Variants in NCKAP1 observed in about 807,000 individuals in gnomAD.
NCKAP1 encodes the protein nck-associated protein 1.
A neutral mutation model predicts 151.2 loss-of-function variants in NCKAP1; 21 were observed. The observed-to-expected ratio is 0.14, with a 90% confidence interval of 0.10 to 0.20. The LOEUF (loss-of-function observed/expected upper bound fraction) is 0.20. Among genes scored for constraint, NCKAP1 ranks in the 10% least tolerant of loss-of-function variants. The pLI, the probability that NCKAP1 is intolerant of heterozygous loss-of-function variation, is 1.00. For missense variants in NCKAP1, 933 were observed against 1,352.1 expected (o/e 0.69, Z 4.86); for synonymous variants, 484 against 451.8 (o/e 1.07, Z -0.90).
At chr2:183,017,574 A>G (rs1306245510) in intron 2 of NCKAP1, among the ~76,000 whole-genome samples, 1 of 152,106 alleles carries the variant, frequency 6.6e-6, no homozygotes, top group African/African-American at 2.4e-5. Context: ...AATACAGATG[A>G]AGCTTAGGGT....
At position 182,926,788 on chromosome 2, in the gene NCKAP1, T is replaced by C. The variant is rs539711434; in HGVS notation, c.3270+28A>G. The C allele has an allele frequency of 2.1e-6, 3 of 1,443,510 alleles. No individual in the cohort carries two copies. In the Admixed American group the frequency reaches 6.1e-5, roughly 29 times the overall value. 89.4% of individuals were successfully genotyped at this position (1,443,510 alleles called of 1,614,324 possible). On this transcript the variant is annotated intron_variant, in intron 30 of 30. Transcript: ENST00000361354. ...TCAGGAACGACTGGAACTTTTTTAT[T>C]GTTAGTAAAAATTAAAATGAGACTT...
chr2:182,921,371 G>A lies in NCKAP1; in HGVS notation c.*4331C>T, dbSNP rs1235822547. ...GAAATAATTTCAAGCCTTAGCCATT[G>A]GCATTTGGTCAGTATGTGTATGTAG... On this transcript the variant is annotated 3_prime_UTR_variant, in exon 31 of 31. Coordinates refer to ENST00000361354, the MANE Select transcript of NCKAP1 (RefSeq NM_013436.5). 3 of 152,088 alleles carry A rather than the reference G, an allele frequency of 2.0e-5. No individual in the cohort carries two copies. Among genetic ancestry groups the A allele is most frequent in the Non-Finnish European group, 2.9e-5 (2 of 68,012 alleles). The allele number at this position is 152,088 out of a possible 1,614,324, so 9.4% of individuals were successfully genotyped here.
chr2:182,973,483 T>C (rs1453777604), intron 15 of NCKAP1, among the ~76,000 whole-genome samples: 2 of 151,988 alleles, frequency 1.3e-5, no homozygotes, highest in Non-Finnish European at 2.9e-5. Context: ...CAAAGAGAAT[T>C]CTTAAGAGTA....
At chr2:183,001,814 TTAGA>T (rs1698379858) in intron 6 of NCKAP1, 135 bp downstream of exon 6, 3 of 675,758 alleles carry the variant, frequency 4.4e-6, no homozygotes, top group Non-Finnish European at 2.5e-6. Flanking sequence ...CTGTCTATAA[TTAGA>T]TAAAAGCACA....
At chr2:182,964,354 T>A (rs1697519801) in intron 17 of NCKAP1, among the ~76,000 whole-genome samples, 1 of 152,150 alleles carries the variant, frequency 6.6e-6, no homozygotes, top group South Asian at 2.1e-4. Context: ...GTCCTTTCCA[T>A]GACAGTTTAA....
In NCKAP1 at chr2:182,982,926, G is replaced by A. The variant is rs1489365445; in HGVS notation, c.1103C>T (p.Ala368Val). 6.3e-6 allele frequency: 10 copies of A among 1,587,314 alleles called. No homozygotes were observed. In the East Asian group the frequency reaches 1.8e-4, roughly 28 times the overall value. Reference sequence around the variant, plus strand: ...GGATAATGCCATAAAAACAAAAAGTGCCTGTTTAAAAAAAAGTAAGTGTTT... The same window carrying A: ...GGATAATGCCATAAAAACAAAAAGTACCTGTTTAAAAAAAAGTAAGTGTTT... ...SDQPGLLGPK[A>V]LFVFMALSFA... The change falls in exon 12 of 31, where the codon GCA becomes GTA. Residue 368 changes from alanine (A) to valine (V), a missense_variant and splice_region_variant. Ala to Val is a moderately conservative substitution (Grantham distance 64). Coordinates refer to ENST00000361354, the MANE Select transcript of NCKAP1 (RefSeq NM_013436.5).
intron 1 of NCKAP1, among the ~76,000 whole-genome samples, chr2:183,024,136 CAGTT>C (rs527309347): frequency 3.3e-5 from 5 of 151,328 alleles, no homozygotes; most frequent in Non-Finnish European, 7.4e-5. Flanking sequence ...AGTTTCGAAG[CAGTT>C]AGCGCAGAAC....
Position 182,920,407 on chromosome 2 carries a change from C to G in NCKAP1, c.*5295G>C, listed in dbSNP as rs1343478676. ...GAAGCAACACTGTCATCTTGAGAGC[C>G]ACATCATTCCAGTGTCACATTTCTA... On this transcript the variant is annotated 3_prime_UTR_variant, in exon 31 of 31. Transcript: ENST00000361354. The G allele has an allele frequency of 6.6e-6, 1 of 152,186 alleles. No individual in the cohort carries two copies. Among genetic ancestry groups the G allele is most frequent in the African/African-American group, 2.4e-5 (1 of 41,450 alleles). The allele number at this position is 152,186 out of a possible 1,614,324, so 9.4% of individuals were successfully genotyped here.
chr2:183,032,415 A>G (rs148127857), intron 1 of NCKAP1, among the ~76,000 whole-genome samples: 70 of 152,348 alleles, frequency 4.6e-4, no homozygotes, highest in African/African-American at 1.6e-3. Context: ...TGTGAACATC[A>G]GAGCGTACTT....
chr2:182,969,778 T>G (rs1158073294), intron 15 of NCKAP1, among the ~76,000 whole-genome samples: 1 of 151,794 alleles, frequency 6.6e-6, no homozygotes, highest in African/African-American at 2.4e-5. Flanking sequence ...CAGAAGGAGA[T>G]AAGTAATAAA....
intron 6 of NCKAP1, among the ~76,000 whole-genome samples, chr2:182,998,135 C>G (rs1446045463): frequency 6.6e-6 from 1 of 152,112 alleles, no homozygotes; most frequent in Non-Finnish European, 1.5e-5. Context: ...TATCCCTTCA[C>G]GATAAAATGT....
At chr2:182,979,049 A>G (rs1697884814) in intron 13 of NCKAP1, 134 bp from the exon 14 acceptor site, 1 of 460,112 alleles carries the variant, frequency 2.2e-6, no homozygotes, top group African/African-American at 2.0e-5. Flanking sequence ...AAAAGAAATG[A>G]AATTTTAACA....
At chr2:183,004,752 C>T (rs752325941) in intron 2 of NCKAP1, among the ~76,000 whole-genome samples, 2 of 151,706 alleles carry the variant, frequency 1.3e-5, no homozygotes, top group Non-Finnish European at 2.9e-5. Flanking sequence ...GGCATGGTGG[C>T]GCATGCCTGT....
intron 2 of NCKAP1, among the ~76,000 whole-genome samples, chr2:183,017,982 G>A (rs1445877887): frequency 6.6e-6 from 1 of 152,142 alleles, no homozygotes; most frequent in Non-Finnish European, 1.5e-5. Context: ...GGGTGCGGTG[G>A]CTCATGCCTG....
chr2:182,964,527 T>C lies in NCKAP1; in HGVS notation c.1761+149A>G, dbSNP rs568516606. The stretch of plus-strand genomic sequence containing the variant: ...TCTATATATATATTAAACCTATGTA[T>C]CTGTTCAAGCACTTTTCTGATTCTG... On this transcript the variant is annotated intron_variant, in intron 17 of 30. Coordinates refer to ENST00000361354, the MANE Select transcript of NCKAP1 (RefSeq NM_013436.5). 36 of 467,124 alleles carry C rather than the reference T, an allele frequency of 7.7e-5. 1 individual carries two copies. Among genetic ancestry groups the C allele is most frequent in the African/African-American group, 6.6e-4 (33 of 49,888 alleles). 28.9% of individuals were successfully genotyped at this position (467,124 alleles called of 1,614,324 possible).
In NCKAP1 at chr2:182,916,853, G is replaced by A. The variant is rs1696475911; in HGVS notation, c.*8849C>T. The A allele has an allele frequency of 1.3e-5, 2 of 152,154 alleles. No homozygotes were observed. The highest frequency in any genetic ancestry group is 2.9e-5 in the Non-Finnish European group (2 of 68,040). 9.4% of individuals were successfully genotyped at this position (152,154 alleles called of 1,614,324 possible). A position where few individuals can be genotyped will look rare whatever the true frequency, so the allele number is the denominator to read the frequency against. On this transcript the variant is annotated 3_prime_UTR_variant, in exon 31 of 31. Transcript: ENST00000361354. ...AATTTTAGCATCGTTTTCTGTTAAA[G>A]TTACATGACAGGGAAAATAATCTTT...
chr2:182,930,287 T>C (rs1187447135), intron 27 of NCKAP1, among the ~76,000 whole-genome samples: 1 of 152,042 alleles, frequency 6.6e-6, no homozygotes, highest in Non-Finnish European at 1.5e-5. Context: ...TAACTCTACA[T>C]AGCTGATCAT....
At chr2:182,950,938 T>C (rs747455167) in intron 23 of NCKAP1, among the ~76,000 whole-genome samples, 2 of 152,060 alleles carry the variant, frequency 1.3e-5, no homozygotes, top group Non-Finnish European at 2.9e-5. Context: ...GTTCAAGTGA[T>C]TCTCCTGCCT....
chr2:183,003,152 A>G, intron 3 of NCKAP1, 81 bp downstream of exon 3: 1 of 1,243,480 alleles, frequency 8.0e-7, no homozygotes. Flanking sequence ...TATTATTTAC[A>G]ACTGACACAG....
Sources: allele counts gnomAD v4.1 joint callset (sites outside exome capture counted in the v4.1 genomes callset), GRCh38; gene constraint gnomAD v4.1.1; transcripts MANE v1.5; gene names NCBI Gene and HGNC (gene_info 2026-07-23, HGNC 2026-07-21).